GDNF: variants seen among roughly 807,000 people sequenced by gnomAD.
GDNF encodes the protein glial cell derived neurotrophic factor, also known as glial cell line-derived neurotrophic factor.
GDNF carries 5 observed loss-of-function variants against 13.7 expected under a neutral mutation model. The ratio of observed to expected loss-of-function variants is 0.36; its 90% confidence interval spans 0.19 to 0.77. GDNF has a LOEUF of 0.77. Ranked by LOEUF, GDNF falls within the 30% of genes least tolerant of loss-of-function variation. The pLI, the probability that GDNF is intolerant of heterozygous loss-of-function variation, is 0.51. For missense variants in GDNF, 246 were observed against 274.3 expected (o/e 0.90, Z 0.73); for synonymous variants, 122 against 112.5 (o/e 1.08, Z -0.53).
At chr5:37,832,910 T>C (rs1229230184) in intron 2 of GDNF, among the ~76,000 whole-genome samples, 1 of 152,200 alleles carries the variant, frequency 6.6e-6, no homozygotes, top group Non-Finnish European at 1.5e-5. Flanking sequence ...TAGGAGATTC[T>C]TCCCAAAGGA....
chr5:37,817,485 T>G (rs1033917768), intron 2 of GDNF, among the ~76,000 whole-genome samples: 8 of 152,200 alleles, frequency 5.3e-5, no homozygotes, highest in Non-Finnish European at 1.2e-4. Context: ...GATTACATTA[T>G]GTCTAACCCA....
chr5:37,834,336 C>CTG (rs1367658336), intron 2 of GDNF, among the ~76,000 whole-genome samples: 1 of 152,206 alleles, frequency 6.6e-6, no homozygotes, highest in Non-Finnish European at 1.5e-5. Flanking sequence ...AAGGGGACAG[C>CTG]TGTGTGTGTG....
intron 2 of GDNF, among the ~76,000 whole-genome samples, chr5:37,829,424 T>A (rs550190907): frequency 6.6e-6 from 1 of 152,286 alleles, no homozygotes; most frequent in African/African-American, 2.4e-5. Context: ...AATAGACATA[T>A]CTATCTGACT....
In GDNF at chr5:37,839,664, G is replaced by A. The variant is rs1486334137; in HGVS notation, c.-184C>T. ...ATCCTGGGGTCGCGCGGGGCAGCAAGGGCGCGCTGGAGGCGGCGGCCAAGA... is the reference window on the plus strand; with the variant it reads ...ATCCTGGGGTCGCGCGGGGCAGCAAAGGCGCGCTGGAGGCGGCGGCCAAGA... On this transcript the variant is annotated 5_prime_UTR_variant, in exon 1 of 3. Transcript: ENST00000326524. The surrounding 1 kb of genome is among the most constrained non-coding windows in gnomAD (Gnocchi z 5.5). The A allele has an allele frequency of 6.6e-6, 1 of 152,258 alleles. No homozygotes were observed. Among genetic ancestry groups the A allele is most frequent in the African/African-American group, 2.4e-5 (1 of 41,426 alleles). The allele number at this position is 152,258 out of a possible 1,614,324, so 9.4% of individuals were successfully genotyped here.
At chr5:37,832,485 C>T (rs189319852) in intron 2 of GDNF, among the ~76,000 whole-genome samples, 2 of 152,246 alleles carry the variant, frequency 1.3e-5, no homozygotes, top group African/African-American at 2.4e-5. Flanking sequence ...TCTTTGGGAA[C>T]GTTTCTTTTT....
chr5:37,820,352 G>C (rs528157778), intron 2 of GDNF, among the ~76,000 whole-genome samples: 1 of 152,292 alleles, frequency 6.6e-6, no homozygotes, highest in East Asian at 1.9e-4. Flanking sequence ...AGCACTTATA[G>C]TGTTCTTTTT....
intron 2 of GDNF, among the ~76,000 whole-genome samples, chr5:37,827,102 T>C (rs956064292): frequency 2.6e-5 from 4 of 152,132 alleles, no homozygotes; most frequent in Non-Finnish European, 4.4e-5. Context: ...GCCCAGAGTT[T>C]TCACAAATGT....
rs1425912357 is a variant in GDNF at position 37,815,522 on chromosome 5, C to T, written c.*129G>A. On this transcript the variant is annotated 3_prime_UTR_variant, in exon 3 of 3. Transcript: ENST00000326524. The surrounding 1 kb of genome is among the most constrained non-coding windows in gnomAD (Gnocchi z 5.0). ...TCCTCCTCCTCCTCCTCCTCCTCCT[C>T]TTCTTCTTCCTCCTCCTCCGCCTCC... is the stretch of plus-strand genomic sequence containing the variant. 1.2e-6 allele frequency: 1 copy of T among 842,134 alleles called. No individual in the cohort carries two copies. Among genetic ancestry groups the T allele is most frequent in the Non-Finnish European group, 2.0e-6 (1 of 505,916 alleles). The allele number at this position is 842,134 out of a possible 1,614,324, so 52.2% of individuals were successfully genotyped here. A position where few individuals can be genotyped will look rare whatever the true frequency, so the allele number is the denominator to read the frequency against.
chr5:37,816,125 T>C lies in GDNF; in HGVS notation c.162A>G (p.Pro54=). 3.1e-6 allele frequency: 5 copies of C among 1,613,740 alleles called. No individual in the cohort carries two copies. The highest frequency in any genetic ancestry group is 4.2e-6 in the Non-Finnish European group (5 of 1,179,654). ...CATCGAACTGATCAGGATAATCCTCTGGCATATTTGCTGTTCAAAAAGAAA... is the reference window on the plus strand; with the variant it reads ...CATCGAACTGATCAGGATAATCCTCCGGCATATTTGCTGTTCAAAAAGAAA... ...PFALSSDSNM[P]EDYPDQFDDV... is the part of the protein sequence containing the mutation. Residue 54 remains proline (P), a synonymous_variant, in exon 3 of 3, where the codon CCA becomes CCG. Transcript: ENST00000326524.
rs58799321 is a variant in GDNF at position 37,828,938 on chromosome 5, G to A, written c.151+5708C>T. Among the ~76,000 whole-genome samples the A allele has an allele frequency of 6.9e-3, 1,044 of 152,300 alleles. 9 individuals are homozygous for A. Among genetic ancestry groups the A allele is most frequent in the African/African-American group, 0.024 (1,000 of 41,570 alleles). ...ACCTCAAAATAAAAGACATGCTTACGGCATAGGCCCCACTCAAAAGCAGTC... is the reference window on the plus strand; with the variant it reads ...ACCTCAAAATAAAAGACATGCTTACAGCATAGGCCCCACTCAAAAGCAGTC... On this transcript the variant is annotated intron_variant, in intron 2 of 2. Transcript: ENST00000326524.
chr5:37,816,759 T>C (rs1037460691), intron 2 of GDNF, among the ~76,000 whole-genome samples: 6 of 152,174 alleles, frequency 3.9e-5, no homozygotes, highest in Non-Finnish European at 7.3e-5. Flanking sequence ...GAATACTGAG[T>C]GCTCTTCCCT....
In GDNF at chr5:37,813,584, G is replaced by A. The variant is rs79582724; in HGVS notation, c.*2067C>T. The A allele has an allele frequency of 1.6e-3, 24 of 14,624 alleles. No homozygotes were observed. In the East Asian group the frequency reaches 0.031, roughly 19 times the overall value. 0.9% of individuals were successfully genotyped at this position (14,624 alleles called of 1,614,324 possible). On this transcript the variant is annotated 3_prime_UTR_variant, in exon 3 of 3. Transcript: ENST00000326524. The stretch of plus-strand genomic sequence containing the variant: ...TCTTTTTTTTTTTTTTTTTTTTTTT[G>A]AGACAGGGTACCGCACTGTCACTTA...
At chr5:37,833,102 G>A (rs1750577287) in intron 2 of GDNF, among the ~76,000 whole-genome samples, 1 of 152,142 alleles carries the variant, frequency 6.6e-6, no homozygotes, top group Non-Finnish European at 1.5e-5. Context: ...GTTGAACAGG[G>A]CACTAATACA....
In GDNF at chr5:37,839,266, A is replaced by C. The variant is rs1750814704; in HGVS notation, c.-27+241T>G. Among the ~76,000 whole-genome samples the C allele has an allele frequency of 2.6e-5, 4 of 152,184 alleles. No individual in the cohort carries two copies. The South Asian group carries it at 8.3e-4, about 32-fold the overall frequency. On this transcript the variant is annotated intron_variant, in intron 1 of 2. Transcript: ENST00000326524. The surrounding 1 kb of genome is among the most constrained non-coding windows in gnomAD (Gnocchi z 5.5). ...CGGGTCCAGGCGCATCTGGGGCTCC[A>C]CAGATCTTTGCCCACGTGGAAAAGG...
intron 2 of GDNF, chr5:37,823,435 T>C (rs1750208197): frequency 6.6e-6 from 1 of 152,192 alleles, no homozygotes. Context: ...GCTAAGTAGA[T>C]CCTAAAGTTA....
At chr5:37,826,949 C>A (rs1018533153) in intron 2 of GDNF, among the ~76,000 whole-genome samples, 2 of 152,268 alleles carry the variant, frequency 1.3e-5, no homozygotes, top group Admixed American at 6.5e-5. Flanking sequence ...CTCCTTGGAA[C>A]AAACTGATAT....
chr5:37,834,532 G>A, intron 2 of GDNF, 114 bp downstream of exon 2: 1 of 1,006,550 alleles, frequency 9.9e-7, no homozygotes, highest in South Asian at 1.8e-5. Context: ...TTGCCCACGG[G>A]TCGGTAGGCC....
At chr5:37,825,059 C>A (rs1355918563) in intron 2 of GDNF, among the ~76,000 whole-genome samples, 1 of 152,212 alleles carries the variant, frequency 6.6e-6, no homozygotes, top group Non-Finnish European at 1.5e-5. Flanking sequence ...TATGGGTGTA[C>A]TTAGAAAAGC....
At chr5:37,816,346 G>A (rs1749930342) in intron 2 of GDNF, among the ~76,000 whole-genome samples, 1 of 152,198 alleles carries the variant, frequency 6.6e-6, no homozygotes, top group Non-Finnish European at 1.5e-5. Context: ...GACTAATGTG[G>A]TGGTGACATA....
Sources: gnomAD v4.1 joint callset for allele counts (sites outside exome capture counted in the v4.1 genomes callset) on GRCh38, gnomAD v4.1.1 for gene constraint, Gnocchi (gnomAD v3.1) non-coding constraint, MANE v1.5 for transcripts, NCBI Gene and HGNC (gene_info 2026-07-23, HGNC 2026-07-21) for gene names.